The following SLC5A11 variants were observed in gnomAD, a reference collection of about 807,000 sequenced individuals.
SLC5A11 encodes sodium/myo-inositol cotransporter 2.
SLC5A11 carries 48 observed loss-of-function variants against 69.8 expected under a neutral mutation model. The ratio of observed to expected loss-of-function variants is 0.69; its 90% CI spans 0.55 to 0.87. The LOEUF (loss-of-function observed/expected upper bound fraction) is 0.87. SLC5A11 is among the 40% of genes least tolerant of loss of function. The pLI is 0.00. For missense variants in SLC5A11, 784 were observed against 866.1 expected, an observed-to-expected ratio of 0.91 and a Z score of 1.19; for synonymous variants, 319 against 342.4, an observed-to-expected ratio of 0.93 and a Z score of 0.75.
chr16:24,884,529 T>G (rs1013322531), intron 8 of SLC5A11, among the ~76,000 whole-genome samples: 4 of 127,914 alleles, frequency 3.1e-5, no homozygotes, highest in Non-Finnish European at 5.1e-5. Context: ...TTTTTTTTTT[T>G]TTGTAGAGAT....
At chr16:24,906,833 G>A (rs2050102193) in intron 11 of SLC5A11, 69 bp downstream of exon 12, 1 of 1,464,126 alleles carries the variant, frequency 6.8e-7, no homozygotes, top group Non-Finnish European at 9.4e-7. Flanking sequence ...GATGGGCTCT[G>A]ATCCAAGGCA....
At position 24,871,820 on chromosome 16, in the gene SLC5A11, G is replaced by A. The variant is rs79909554; in HGVS notation, c.313-340G>A. 2.6e-3 allele frequency among the ~76,000 whole-genome samples: 399 copies of A among 152,142 alleles called. 1 individual carries two copies. The highest frequency in any genetic ancestry group is 9.2e-3 in the African/African-American group (380 of 41,512). On this transcript the variant is annotated intron_variant, in intron 4 of 15. Coordinates refer to ENST00000347898, the Ensembl canonical transcript of SLC5A11. ...GAGACCTGTGTTAACTCTTGTGGTCGTCTTTGAACCCAGATCTGCCTGCTG... is the reference window on the plus strand; with the variant it reads ...GAGACCTGTGTTAACTCTTGTGGTCATCTTTGAACCCAGATCTGCCTGCTG...
At chr16:24,890,498 AAAAAAAAAAAAAAAAAAGAAGG>A (rs2048707091) in intron 8 of SLC5A11, among the ~76,000 whole-genome samples, 1 of 77,474 alleles carries the variant, frequency 1.3e-5, no homozygotes, top group Non-Finnish European at 2.8e-5. Flanking sequence ...AAAAAAAAAA[AAAAAAAAAAAAAAAAAAGAAGG>A]AAGGAAGGAA....
rs550782343 is a variant in SLC5A11 at position 24,870,606 on chromosome 16, T to C, written c.312+601T>C. Among the ~76,000 whole-genome samples, 3 of 151,330 alleles carry C rather than the reference T, an allele frequency of 2.0e-5. No individual in the cohort carries two copies. In the East Asian group the frequency reaches 5.8e-4, roughly 29 times the overall value. On this transcript the variant is annotated intron_variant, in intron 4 of 15. Coordinates refer to ENST00000347898, the Ensembl canonical transcript of SLC5A11. ...ACCAGCCTGGCCAACATGGTGAGAC[T>C]CCATCTCTACTAAAAATACAAAAAT... is the stretch of plus-strand genomic sequence containing the variant.
chr16:24,876,204 GAAA>G (rs1162639357), intron 6 of SLC5A11, among the ~76,000 whole-genome samples: 33 of 111,676 alleles, frequency 3.0e-4, no homozygotes, highest in Non-Finnish European at 5.9e-4. Flanking sequence ...TCAAAAAAAA[GAAA>G]AAAAAAAAAA....
rs559493402 is a variant in SLC5A11 at position 24,849,654 on chromosome 16, G to A, written c.-25+3216G>A. Among the ~76,000 whole-genome samples the A allele has an allele frequency of 2.2e-5, 3 of 136,782 alleles. No individual in the cohort carries two copies. The South Asian group carries it at 7.2e-4, about 33-fold the overall frequency. The allele number at this position is 136,782 out of a possible 152,430, so 89.7% of individuals were successfully genotyped here. ...AGAGATGCCACGTTGGCATTTGGAT[G>A]GACAGGTCTGGGCTCAGAAGGTGCT... On this transcript the variant is annotated intron_variant, in intron 1 of 15. Coordinates refer to ENST00000347898, the Ensembl canonical transcript of SLC5A11.
chr16:24,901,609 A>T (rs977026320), intron 10 of SLC5A11, among the ~76,000 whole-genome samples: 9 of 151,498 alleles, frequency 5.9e-5, no homozygotes, highest in Admixed American at 3.3e-4. Context: ...GACCTTGTTT[A>T]AAAAAAATCA....
Position 24,910,151 on chromosome 16 carries a change from A to G in SLC5A11, c.1651-155A>G, listed in dbSNP as rs74015775. 8.0e-3 allele frequency among the ~76,000 whole-genome samples: 909 copies of G among 114,032 alleles called. 8 individuals carry two copies. Among genetic ancestry groups the G allele is most frequent in the African/African-American group, 0.029 (868 of 29,698 alleles). 74.8% of individuals were successfully genotyped at this position (114,032 alleles called of 152,430 possible). On this transcript the variant is annotated intron_variant, in intron 14 of 15. Coordinates refer to ENST00000347898, the Ensembl canonical transcript of SLC5A11. ...CGCTGATGTTGAAGAGTGCAGGAAC[A>G]TGATGCTTGTTGGAGGATGGGGTGG...
intron 3 of SLC5A11, among the ~76,000 whole-genome samples, chr16:24,864,629 G>A (rs1444940832): frequency 6.6e-6 from 1 of 152,118 alleles, no homozygotes. Flanking sequence ...ACACAGGGGA[G>A]AAAAAGCAGT....
At chr16:24,908,034 A>G in exon 13 of SLC5A11, 1 of 1,613,834 alleles carries the variant, frequency 6.2e-7, no homozygotes, top group African/African-American at 1.3e-5. Flanking sequence ...CAGGGCGGCC[A>G]GCTCTTCATC....
chr16:24,855,042 CT>C (rs1304339297), intron 1 of SLC5A11, among the ~76,000 whole-genome samples: 2 of 152,018 alleles, frequency 1.3e-5, no homozygotes, highest in East Asian at 3.9e-4. Context: ...TCATAACTCA[CT>C]GTAGCCAAGC....
chr16:24,894,314 C>G (rs2049005401), intron 9 of SLC5A11, among the ~76,000 whole-genome samples: 1 of 152,172 alleles, frequency 6.6e-6, no homozygotes, highest in African/African-American at 2.4e-5. Flanking sequence ...CTCCCTCCTC[C>G]TTTCCCACCC....
intron 7 of SLC5A11, among the ~76,000 whole-genome samples, chr16:24,878,149 C>T (rs528903841): frequency 2.6e-5 from 4 of 152,286 alleles, no homozygotes; most frequent in Admixed American, 6.5e-5. Context: ...AGCGAGACTC[C>T]GTCTCAGAAT....
At chr16:24,873,402 G>A (rs12934130) in intron 5 of SLC5A11, among the ~76,000 whole-genome samples, 46,086 of 151,840 alleles carry the variant, frequency 0.3, 7,352 homozygotes, top group East Asian at 0.4. Flanking sequence ...AGGCTGTGGT[G>A]GGAGGATTGC....
intron 5 of SLC5A11, among the ~76,000 whole-genome samples, chr16:24,875,201 G>T (rs1270093064): frequency 6.6e-6 from 1 of 152,106 alleles, no homozygotes; most frequent in Non-Finnish European, 1.5e-5. Context: ...TGTCTTTTGA[G>T]GCAGGGTCTC....
At chr16:24,861,732 A>G (rs2046564885) in intron 2 of SLC5A11, among the ~76,000 whole-genome samples, 1 of 114,836 alleles carries the variant, frequency 8.7e-6, no homozygotes, top group South Asian at 2.6e-4. Flanking sequence ...GGCAGAAGAA[A>G]GAAAAAGAAA....
intron 12 of SLC5A11, 44 bp downstream of exon 13, chr16:24,907,219 C>G (rs923517400): frequency 6.2e-7 from 1 of 1,605,036 alleles, no homozygotes; most frequent in African/African-American, 1.3e-5. Flanking sequence ...GAAGAGAGAG[C>G]TGAGCCCACC....
chr16:24,907,986 T>TG lies in SLC5A11; in HGVS notation c.1291dup (p.Val431GlyfsTer47). The TG allele has an allele frequency of 6.2e-7, 1 of 1,614,166 alleles. No individual in the cohort carries two copies. Among genetic ancestry groups the TG allele is most frequent in the South Asian group, 1.1e-5 (1 of 91,084 alleles). The stretch of plus-strand genomic sequence containing the variant: ...AGGGTGTTTGTGCTGCTGCTGGTCC[T>TG]GGTCTCCATCCTCTGGATCCCTGTG... On this transcript the variant is annotated frameshift_variant, in exon 13 of 16. Transcript: ENST00000347898. LOFTEE classifies it high-confidence loss of function.
At chr16:24,895,930 G>A (rs2049130761) in intron 9 of SLC5A11, among the ~76,000 whole-genome samples, 1 of 152,050 alleles carries the variant, frequency 6.6e-6, no homozygotes, top group Admixed American at 6.6e-5. Flanking sequence ...TAAATTATTG[G>A]GGCTGTGGTA....
Sources: allele counts gnomAD v4.1 joint callset (sites outside exome capture counted in the v4.1 genomes callset), GRCh38; gene constraint gnomAD v4.1.1; transcripts MANE v1.5; gene names NCBI Gene and HGNC (gene_info 2026-07-23, HGNC 2026-07-21).